Variants in SUN5 observed in about 807,000 individuals in gnomAD.
SUN5 encodes Sad1 and UNC84 domain containing 5.
SUN5 carries 44 observed loss-of-function variants against 53.7 expected under a neutral mutation model. The ratio of observed to expected loss-of-function variants is 0.82; its 90% CI spans 0.64 to 1.05. The LOEUF is 1.05. SUN5 is among the 50% of genes least tolerant of loss of function. The pLI is 0.00. For synonymous variants in SUN5, 166 were observed against 179.8 expected (o/e 0.92, Z 0.62); for missense variants, 433 against 483.8 (o/e 0.90, Z 0.98).
At chr20:32,987,950 T>C (rs1166923268) in intron 9 of SUN5, among the ~76,000 whole-genome samples, 175 bp from the exon 10 acceptor site, 3 of 152,198 alleles carry the variant, frequency 2.0e-5, no homozygotes, top group Non-Finnish European at 4.4e-5. Flanking sequence ...TGGTGGCTAT[T>C]ATTTTTTATT....
Position 32,983,856 on chromosome 20 carries a change from G to A in SUN5, c.1078C>T (p.His360Tyr). ...GFTCLYRVRVHGSVAPPREQP... is the reference protein window; with the variant it reads ...GFTCLYRVRVYGSVAPPREQP... ...TCTCTGGGCGGGGCCACAGAGCCAT[G>A]CACTCGCACGCGGTACAGGCAAGTG... The change falls in exon 13 of 13, where the codon CAT becomes TAT. Residue 360 changes from histidine (H) to tyrosine (Y), a missense_variant. By Grantham distance (83) the His-to-Tyr change is moderately conservative. Coordinates refer to ENST00000356173, the MANE Select transcript of SUN5 (RefSeq NM_080675.4). 1 of 1,598,890 alleles carries A rather than the reference G, an allele frequency of 6.3e-7. No homozygotes were observed. Among genetic ancestry groups the A allele is most frequent in the Non-Finnish European group, 8.5e-7 (1 of 1,172,346 alleles).
Position 33,002,587 on chromosome 20 carries a change from A to T in SUN5, c.211T>A (p.Ser71Thr). Residue 71 changes from serine (S) to threonine (T), a missense_variant and splice_region_variant, in exon 3 of 13, where the codon TCC (serine) becomes ACC (threonine). Coordinates refer to ENST00000356173, the MANE Select transcript of SUN5 (RefSeq NM_080675.4). ...AGGTGATTATTCAGTATATACGTAC[A>T]CACACATCCCAGCATGCACTGAGTC... ...GLTQCMLGCVSWFTCFACSLR... is the reference protein window; with the variant it reads ...GLTQCMLGCVTWFTCFACSLR... 6.2e-7 allele frequency: 1 copy of T among 1,614,192 alleles called. No individual in the cohort carries two copies. Among genetic ancestry groups the T allele is most frequent in the Non-Finnish European group, 8.5e-7 (1 of 1,180,002 alleles).
chr20:32,985,828 CCTT>C lies in SUN5; in HGVS notation c.802_804del (p.Lys268del). 1.2e-6 allele frequency: 2 copies of C among 1,614,132 alleles called. No individual in the cohort carries two copies. Among genetic ancestry groups the C allele is most frequent in the Non-Finnish European group, 1.7e-6 (2 of 1,179,988 alleles). The stretch of plus-strand genomic sequence containing the variant: ...TGCAGCGTGAGGTTGGACAGGTAAA[CCTT>C]CTGAGCCAATTGGATGGTCACCTGG... On this transcript the variant is annotated inframe_deletion, in exon 11 of 13. Transcript: ENST00000356173.
Position 32,987,675 on chromosome 20 carries a change from TG to T in SUN5, c.713del (p.Pro238GlnfsTer3). The T allele has an allele frequency of 1.2e-6, 2 of 1,610,814 alleles. No homozygotes were observed. Among genetic ancestry groups the T allele is most frequent in the South Asian group, 1.1e-5 (1 of 90,030 alleles). On this transcript the variant is annotated frameshift_variant, in exon 10 of 13. Transcript: ENST00000356173. LOFTEE classifies it high-confidence loss of function. ...WIQLWNYAQP[P>X]DVILEPNVTP... The stretch of plus-strand genomic sequence containing the variant: ...TCCCCCCTGCCTCAAGGATCACGTC[TG>T]GGGGCTGTGCGTAGTTCCACAGCTG...
chr20:32,992,790 C>T lies in SUN5; in HGVS notation c.534+2829G>A, dbSNP rs1346377345. On this transcript the variant is annotated intron_variant, in intron 8 of 12. Transcript: ENST00000356173. ...AGGCAACAGACAAAATCCAAATGGC[C>T]GCTGGATACAAGAAAAGACACTCCA... 2.0e-5 allele frequency among the ~76,000 whole-genome samples: 3 copies of T among 152,146 alleles called. 1 individual carries two copies. The highest frequency in any genetic ancestry group is 4.2e-4 in the South Asian group (2 of 4,816).
intron 5 of SUN5, among the ~76,000 whole-genome samples, chr20:32,999,221 G>A (rs866898702): frequency 1.3e-5 from 2 of 152,132 alleles, no homozygotes; most frequent in African/African-American, 4.8e-5. Flanking sequence ...GGTACAAAAA[G>A]TCAGCTGTAT....
In SUN5 at chr20:33,001,515, C is replaced by CTT. The variant is rs1472321904; in HGVS notation, c.212-239_212-238dup. On this transcript the variant is annotated intron_variant, in intron 3 of 12. Transcript: ENST00000356173. ...CTGGCAGTTAACAGACATTTTCTTT[C>CTT]TTTCTTCTTTCTTTCTTTCTTTCTT... 1.3e-4 allele frequency among the ~76,000 whole-genome samples: 5 copies of CTT among 37,624 alleles called. 1 individual carries two copies. In the South Asian group the frequency reaches 2.3e-3, roughly 17 times the overall value. 24.7% of individuals were successfully genotyped at this position (37,624 alleles called of 152,430 possible).
intron 8 of SUN5, among the ~76,000 whole-genome samples, chr20:32,993,356 T>C (rs1341591242): frequency 6.6e-6 from 1 of 152,222 alleles, no homozygotes; most frequent in African/African-American, 2.4e-5. Flanking sequence ...TTTGTCCGTT[T>C]GTTTTAAATC....
At chr20:32,987,841 A>T (rs1989589652) in intron 9 of SUN5, 66 bp from the exon 10 acceptor site, 1 of 1,311,726 alleles carries the variant, frequency 7.6e-7, no homozygotes, top group East Asian at 2.4e-5. Flanking sequence ...GACGCCACTG[A>T]TGGGCCCTGA....
chr20:32,987,245 G>T (rs77662544), intron 10 of SUN5, among the ~76,000 whole-genome samples: 1 of 152,190 alleles, frequency 6.6e-6, no homozygotes, highest in Non-Finnish European at 1.5e-5. Flanking sequence ...ACAGTCAAGT[G>T]ACCTGGCTCT....
chr20:33,001,413 A>G (rs1282751412), intron 3 of SUN5, 135 bp from the exon 4 acceptor site: 24 of 940,130 alleles, frequency 2.6e-5, no homozygotes, highest in Middle Eastern at 5.7e-4. Flanking sequence ...CGAGCCTGGG[A>G]CAGAACCAGG....
chr20:32,984,045 G>A (rs1321690524), intron 12 of SUN5, 96 bp from the exon 13 acceptor site: 1 of 1,413,120 alleles, frequency 7.1e-7, no homozygotes, highest in Admixed American at 2.6e-5. Flanking sequence ...CATTTCATAG[G>A]TGGGAAAACT....
intron 10 of SUN5, among the ~76,000 whole-genome samples, chr20:32,986,434 G>T (rs536004220): frequency 6.6e-6 from 1 of 152,144 alleles, no homozygotes; most frequent in East Asian, 1.9e-4. Context: ...AGAGAAAGAG[G>T]TTTGATGGAA....
At chr20:32,984,825 G>A (rs547476538) in intron 12 of SUN5, among the ~76,000 whole-genome samples, 4 of 152,350 alleles carry the variant, frequency 2.6e-5, no homozygotes, top group East Asian at 3.9e-4. Context: ...CTTGCTCAGC[G>A]TCTGCTGTCC....
chr20:32,986,038 C>T, intron 10 of SUN5, 135 bp from the exon 11 acceptor site: 1 of 990,972 alleles, frequency 1.0e-6, no homozygotes, highest in Non-Finnish European at 1.5e-6. Flanking sequence ...CAAGTGCCAC[C>T]CCCTCCAGGA....
intron 8 of SUN5, among the ~76,000 whole-genome samples, chr20:32,991,298 C>G (rs1009839990): frequency 6.6e-6 from 1 of 152,170 alleles, no homozygotes; most frequent in African/African-American, 2.4e-5. Flanking sequence ...TGAGTGCATG[C>G]CTTTGGATTC....
intron 5 of SUN5, among the ~76,000 whole-genome samples, chr20:32,998,551 G>A (rs1316830341): frequency 6.6e-6 from 1 of 152,110 alleles, no homozygotes; most frequent in African/African-American, 2.4e-5. Flanking sequence ...AGGAATAGAA[G>A]GGAAACTCCT....
At chr20:32,999,946 G>A (rs414191) in intron 5 of SUN5, 128 bp downstream of exon 5, 1 of 1,552,778 alleles carries the variant, frequency 6.4e-7, no homozygotes, top group Non-Finnish European at 8.7e-7. Context: ...AATTCTCACA[G>A]CAACACCCAT....
At chr20:33,001,755 A>G (rs2070318) in intron 3 of SUN5, among the ~76,000 whole-genome samples, 99,222 of 145,014 alleles carry the variant, frequency 0.68, 35,399 homozygotes, top group African/African-American at 0.9. Flanking sequence ...TGCAACCTCC[A>G]CCTCCCAAGT....
Sources: gnomAD v4.1 joint callset for allele counts (sites outside exome capture counted in the v4.1 genomes callset) on GRCh38, gnomAD v4.1.1 for gene constraint, MANE v1.5 for transcripts, NCBI Gene and HGNC (gene_info 2026-07-23, HGNC 2026-07-21) for gene names.